BRF1: variants seen among roughly 807,000 people sequenced by gnomAD.
BRF1 encodes the protein transcription factor IIIB 90 kDa subunit.
In BRF1, 59 loss-of-function variants were observed where a neutral mutation model predicts 81.7. That is an observed-to-expected ratio of 0.72 (90% CI 0.59 to 0.90). BRF1 has a LOEUF of 0.90. Among genes scored for constraint, BRF1 ranks in the 40% least tolerant of loss-of-function variants. BRF1 has a pLI of 0.00. For missense variants in BRF1, 1,050 were observed against 936.3 expected (o/e 1.12, Z -1.58); for synonymous variants, 491 against 395.6 (o/e 1.24, Z -2.86).
chr14:105,308,724 G>A (rs1015226335), intron 1 of BRF1, among the ~76,000 whole-genome samples: 1 of 151,610 alleles, frequency 6.6e-6, no homozygotes, highest in Non-Finnish European at 1.5e-5. Flanking sequence ...TTCATGATCC[G>A]CCTGCCTCAG....
In BRF1 at chr14:105,254,736, AT is replaced by A. The variant is rs2055782680; in HGVS notation, c.471+1781del. Among the ~76,000 whole-genome samples, 4 of 151,270 alleles carry A rather than the reference AT, an allele frequency of 2.6e-5. No individual in the cohort carries two copies. In the South Asian group the frequency reaches 6.3e-4, roughly 24 times the overall value. ...GCCACAACGCTCAGCTAATTTTTGT[AT>A]TTTTAGTAGAGACGGGGTTTCACCA... On this transcript the variant is annotated intron_variant, in intron 4 of 17. Coordinates refer to ENST00000547530, the MANE Select transcript of BRF1 (RefSeq NM_001519.4).
chr14:105,295,597 T>C (rs1020305152), intron 1 of BRF1, among the ~76,000 whole-genome samples: 1 of 151,194 alleles, frequency 6.6e-6, no homozygotes, highest in Non-Finnish European at 1.5e-5. Flanking sequence ...AGCAAGACCC[T>C]AGACCCTGTC....
intron 6 of BRF1, among the ~76,000 whole-genome samples, chr14:105,229,121 T>C (rs1377516323): frequency 6.6e-6 from 1 of 152,216 alleles, no homozygotes; most frequent in Non-Finnish European, 1.5e-5. Context: ...GCTGCACCCA[T>C]TCCATTTTCA....
chr14:105,250,225 G>T, intron 5 of BRF1: 1 of 1,612,956 alleles, frequency 6.2e-7, no homozygotes, highest in Non-Finnish European at 8.5e-7. Flanking sequence ...CCCCGCAGAG[G>T]TGCCACCGAT....
intron 5 of BRF1, chr14:105,246,981 C>A (rs955612782): frequency 1.0e-6 from 1 of 985,338 alleles, no homozygotes; most frequent in Non-Finnish European, 1.2e-6. Flanking sequence ...CCCACCACAA[C>A]CTGCTGATCC....
At chr14:105,293,256 T>C (rs1171267590) in intron 1 of BRF1, among the ~76,000 whole-genome samples, 1 of 152,162 alleles carries the variant, frequency 6.6e-6, no homozygotes, top group Non-Finnish European at 1.5e-5. Context: ...CCACCACCCA[T>C]GTCCCCCTCC....
In BRF1 at chr14:105,257,547, G is replaced by A. The variant is rs8006742; in HGVS notation, c.440-998C>T. Among the ~76,000 whole-genome samples the A allele has an allele frequency of 4.5e-4, 68 of 152,316 alleles. 1 individual carries two copies. The highest frequency in any genetic ancestry group is 3.4e-3 in the Middle Eastern group (1 of 294). ...CGACACAGAGCAGAACCCCCAGGACGGCTGGGACGTGAGCGGTGAGGCCCG... is the reference window on the plus strand; with the variant it reads ...CGACACAGAGCAGAACCCCCAGGACAGCTGGGACGTGAGCGGTGAGGCCCG... On this transcript the variant is annotated intron_variant, in intron 3 of 17. Coordinates refer to ENST00000547530, the MANE Select transcript of BRF1 (RefSeq NM_001519.4).
chr14:105,219,429 A>G lies in BRF1; in HGVS notation c.1378-197T>C, dbSNP rs1056476176. On this transcript the variant is annotated intron_variant, in intron 12 of 17. Transcript: ENST00000547530. ...GACCTGTTGCTCTGTGGCCTGTCCC[A>G]AGGCCAACCACGCAGGCCACATGTG... 6 of 1,215,926 alleles carry G rather than the reference A, an allele frequency of 4.9e-6. No individual in the cohort carries two copies. The Admixed American group carries it at 1.1e-4, about 23-fold the overall frequency. 75.3% of individuals were successfully genotyped at this position (1,215,926 alleles called of 1,614,324 possible). A position where few individuals can be genotyped will look rare whatever the true frequency, so the allele number is the denominator to read the frequency against.
At chr14:105,249,055 G>T (rs953005386) in intron 5 of BRF1, 4 of 1,295,550 alleles carry the variant, frequency 3.1e-6, no homozygotes, top group Non-Finnish European at 3.9e-6. Flanking sequence ...AGCCCCGGCT[G>T]GCGGTGCTGC....
rs747217273 is a variant in BRF1 at position 105,228,778 on chromosome 14, A to G, written c.788+42T>C. On this transcript the variant is annotated intron_variant, in intron 7 of 17. Coordinates refer to ENST00000547530, the MANE Select transcript of BRF1 (RefSeq NM_001519.4). ...AAGCAGGCCTGAGCTGGACTGATGA[A>G]GCCTCTGTGTGGTCCCCATGCCATG... 6 of 1,606,832 alleles carry G rather than the reference A, an allele frequency of 3.7e-6. No homozygotes were observed. The Admixed American group carries it at 6.7e-5, about 18-fold the overall frequency.
chr14:105,216,292 C>T (rs1032100350), intron 15 of BRF1, among the ~76,000 whole-genome samples: 3 of 152,224 alleles, frequency 2.0e-5, no homozygotes, highest in Non-Finnish European at 2.9e-5. Context: ...CCACCTCCAG[C>T]GCTGACAGAG....
chr14:105,265,679 C>T (rs901120655), intron 3 of BRF1, among the ~76,000 whole-genome samples: 1 of 151,926 alleles, frequency 6.6e-6, no homozygotes, highest in African/African-American at 2.4e-5. Flanking sequence ...GGATGGATCA[C>T]GAGGTCAGGA....
chr14:105,293,837 T>C (rs182152345), intron 1 of BRF1, among the ~76,000 whole-genome samples: 149 of 152,330 alleles, frequency 9.8e-4, no homozygotes, highest in African/African-American at 3.4e-3. Context: ...TCACCTGCCC[T>C]GATGCCTTAG....
chr14:105,248,591 C>A, intron 5 of BRF1: 1 of 920,856 alleles, frequency 1.1e-6, no homozygotes, highest in Non-Finnish European at 1.3e-6. Context: ...GCGGGCGGGA[C>A]GGCGCCCCCC....
chr14:105,277,745 A>AT (rs201253468), intron 2 of BRF1, among the ~76,000 whole-genome samples: 1 of 152,130 alleles, frequency 6.6e-6, no homozygotes, highest in African/African-American at 2.4e-5. Flanking sequence ...GCAGTAAGTT[A>AT]TTTTTTACCA....
chr14:105,242,803 A>ATTTT (rs1223254123), intron 5 of BRF1, among the ~76,000 whole-genome samples: 10 of 151,770 alleles, frequency 6.6e-5, no homozygotes, highest in African/African-American at 1.9e-4. Flanking sequence ...GACGAAGTCT[A>ATTTT]TACAAAAGTT....
intron 1 of BRF1, among the ~76,000 whole-genome samples, chr14:105,307,324 C>T (rs587694059): frequency 6.6e-6 from 1 of 152,284 alleles, no homozygotes; most frequent in South Asian, 2.1e-4. Flanking sequence ...GGCCAGGTAC[C>T]AGCTAGCTAG....
chr14:105,229,139 G>A (rs774254340), intron 6 of BRF1, among the ~76,000 whole-genome samples: 3 of 152,216 alleles, frequency 2.0e-5, no homozygotes, highest in Non-Finnish European at 4.4e-5. Flanking sequence ...TCAAATCAAG[G>A]AAAATTAAAA....
chr14:105,282,495 C>T (rs957109399), intron 2 of BRF1, among the ~76,000 whole-genome samples: 9 of 152,146 alleles, frequency 5.9e-5, no homozygotes, highest in South Asian at 2.1e-4. Context: ...GAGTGGAGGC[C>T]GTGGGCCAAG....
Sources: allele counts gnomAD v4.1 joint callset (sites outside exome capture counted in the v4.1 genomes callset), GRCh38; gene constraint gnomAD v4.1.1; transcripts MANE v1.5; gene names NCBI Gene and HGNC (gene_info 2026-07-23, HGNC 2026-07-21).